The following PPEF1 variants were observed in gnomAD, a reference collection of about 807,000 sequenced individuals.
PPEF1 encodes serine/threonine-protein phosphatase with EF-hands 1.
Under a neutral mutation model 53.3 loss-of-function variants are expected in PPEF1, and 12 were observed. The ratio of observed to expected loss-of-function variants is 0.23; its 90% CI spans 0.14 to 0.36. PPEF1 has a LOEUF of 0.36. Ranked by LOEUF, PPEF1 falls within the 10% of genes least tolerant of loss-of-function variation. The pLI, the probability that PPEF1 is intolerant of heterozygous loss-of-function variation, is 1.00. For synonymous variants in PPEF1, 165 were observed against 176.7 expected (o/e 0.93, Z 0.52); for missense variants, 334 against 490.4 (o/e 0.68, Z 3.01).
intron 4 of PPEF1, among the ~76,000 whole-genome samples, chrX:18,694,773 A>G (rs1209345531): frequency 1.8e-5 from 2 of 111,574 alleles, no homozygotes; most frequent in African/African-American, 6.5e-5. Context: ...TCATAGACAT[A>G]TAGTGGTATC....
At chrX:18,702,107 G>T (rs1270847196) in intron 6 of PPEF1, among the ~76,000 whole-genome samples, 1 of 111,864 alleles carries the variant, frequency 8.9e-6, no homozygotes, top group African/African-American at 3.3e-5. Flanking sequence ...TCTGGCACGG[G>T]CTGCCAGGGA....
At chrX:18,742,323 A>G (rs1265560439) in intron 3 of PPEF1, among the ~76,000 whole-genome samples, 1 of 111,534 alleles carries the variant, frequency 9.0e-6, no homozygotes, top group East Asian at 2.8e-4. Flanking sequence ...TTATTTGGCT[A>G]TATATTCATT....
chrX:18,787,092 G>C (rs1200423686), intron 9 of PPEF1, among the ~76,000 whole-genome samples: 4 of 112,129 alleles, frequency 3.6e-5, no homozygotes, highest in Middle Eastern at 4.2e-3. Context: ...CATACTTGTT[G>C]TATTAAATAT....
At chrX:18,724,153 T>A (rs2044653831) in intron 1 of PPEF1, among the ~76,000 whole-genome samples, 1 of 111,602 alleles carries the variant, frequency 9.0e-6, no homozygotes, top group Admixed American at 9.6e-5. Context: ...GAGCCCAGGT[T>A]CTGAAATTAC....
chrX:18,735,300 T>G (rs1424616672), intron 3 of PPEF1, among the ~76,000 whole-genome samples: 7 of 111,954 alleles, frequency 6.3e-5, no homozygotes, highest in Non-Finnish European at 7.5e-5. Flanking sequence ...GAATTAATTT[T>G]TGTATAAGGT....
chrX:18,722,408 T>A (rs1227762031), intron 1 of PPEF1, among the ~76,000 whole-genome samples: 1 of 112,327 alleles, frequency 8.9e-6, no homozygotes, highest in Admixed American at 9.4e-5. Context: ...CTAATCCTGC[T>A]GCTTCCTCAG....
intron 3 of PPEF1, among the ~76,000 whole-genome samples, chrX:18,736,165 G>C (rs1413850542): frequency 1.8e-5 from 2 of 111,528 alleles, no homozygotes; most frequent in African/African-American, 6.5e-5. Flanking sequence ...CCAACACTAT[G>C]TTGAATAGGA....
chrX:18,685,609 C>T (rs979981101), intron 2 of PPEF1, among the ~76,000 whole-genome samples: 13 of 101,620 alleles, frequency 1.3e-4, no homozygotes, highest in Non-Finnish European at 2.2e-4. Flanking sequence ...GGCGTGAACC[C>T]GGGAGGCGGG....
intron 6 of PPEF1, among the ~76,000 whole-genome samples, chrX:18,766,589 A>G (rs984296903): frequency 8.9e-6 from 1 of 111,971 alleles, no homozygotes; most frequent in Admixed American, 9.5e-5. Flanking sequence ...CCCTACTCAC[A>G]GGACAGGCCT....
intron 6 of PPEF1, among the ~76,000 whole-genome samples, chrX:18,763,849 G>T (rs1179015260): frequency 9.0e-6 from 1 of 111,360 alleles, no homozygotes; most frequent in Non-Finnish European, 1.9e-5. Flanking sequence ...CCCAAGCCAG[G>T]ACGTAGAGTG....
At chrX:18,732,147 G>T (rs1052056430) in intron 2 of PPEF1, among the ~76,000 whole-genome samples, 2 of 112,587 alleles carry the variant, frequency 1.8e-5, no homozygotes, top group East Asian at 5.6e-4. Context: ...TGCTTTCAAG[G>T]TTCACCCATG....
chrX:18,805,072 C>A (rs1175732423), intron 11 of PPEF1, among the ~76,000 whole-genome samples: 2 of 109,544 alleles, frequency 1.8e-5, no homozygotes, highest in Non-Finnish European at 3.8e-5. Flanking sequence ...CTGCAACCTC[C>A]GCCTCCCGAG....
intron 3 of PPEF1, among the ~76,000 whole-genome samples, chrX:18,744,205 T>C (rs1005737372): frequency 8.9e-6 from 1 of 112,189 alleles, no homozygotes; most frequent in Non-Finnish European, 1.9e-5. Flanking sequence ...TAGGATATTT[T>C]TAGGAACCAG....
At chrX:18,755,572 G>GCCC (rs2045530992) in intron 4 of PPEF1, among the ~76,000 whole-genome samples, 24 of 109,302 alleles carry the variant, frequency 2.2e-4, no homozygotes, top group African/African-American at 8.3e-4. Context: ...ATCCCCCCCA[G>GCCC]CCCCCAAAAA....
intron 14 of PPEF1, among the ~76,000 whole-genome samples, chrX:18,824,804 C>G (rs904574357): frequency 9.1e-6 from 1 of 109,969 alleles, no homozygotes; most frequent in South Asian, 4.0e-4. Context: ...GCTGAGATTA[C>G]AGGCGCCTGC....
upstream of PPEF1, among the ~76,000 whole-genome samples, chrX:18,682,457 A>G (rs1277947400): frequency 8.9e-6 from 1 of 111,919 alleles, no homozygotes; most frequent in Non-Finnish European, 1.9e-5. Context: ...GAGGTTCAGA[A>G]GTTAGTGAAT....
chrX:18,778,935 A>G (rs2046025917), intron 6 of PPEF1, 75 bp from the exon 7 acceptor site: 1 of 941,837 alleles, frequency 1.1e-6, no homozygotes, highest in South Asian at 2.9e-5. Context: ...ATTAACAGGG[A>G]TGTTATGTAC....
chrX:18,745,070 AATT>A (rs1372646380), intron 3 of PPEF1, among the ~76,000 whole-genome samples: 6 of 96,203 alleles, frequency 6.2e-5, no homozygotes, highest in Admixed American at 1.3e-4. Context: ...TATTCCATAT[AATT>A]ATATATTTAT....
chrX:18,769,873 A>C (rs774940213), intron 6 of PPEF1, among the ~76,000 whole-genome samples: 2 of 111,918 alleles, frequency 1.8e-5, no homozygotes, highest in African/African-American at 3.2e-5. Context: ...GAAATGTCCA[A>C]ATTCACTGGG....
Sources: allele counts gnomAD v4.1 joint callset (sites outside exome capture counted in the v4.1 genomes callset), GRCh38; gene constraint gnomAD v4.1.1; transcripts MANE v1.5; gene names NCBI Gene and HGNC (gene_info 2026-07-23, HGNC 2026-07-21).